The following RAD51D variants were observed in gnomAD, a reference collection of about 807,000 sequenced individuals.
RAD51D encodes DNA repair protein RAD51 homolog 4.
RAD51D carries 38 observed loss-of-function variants against 44.1 expected under a neutral mutation model. The observed-to-expected ratio is 0.86, with a 90% CI of 0.67 to 1.13. The LOEUF is 1.13. Among genes scored for constraint, RAD51D ranks in the 50% most tolerant of loss-of-function variants. RAD51D has a pLI of 0.00. For synonymous variants in RAD51D, 141 were observed against 166.6 expected (o/e 0.85, Z 1.18); for missense variants, 390 against 414.0 (o/e 0.94, Z 0.50).
At chr17:35,107,522 T>C (rs575910811) in intron 3 of RAD51D, 75 bp from the exon 4 acceptor site, 1 of 1,211,880 alleles carries the variant, frequency 8.3e-7, no homozygotes. Context: ...AGAAGAAAAG[T>C]AAGACATTTC....
intron 9 of RAD51D, 59 bp from the exon 10 acceptor site, chr17:35,101,095 G>C (rs2142409949): frequency 6.2e-7 from 1 of 1,605,364 alleles, no homozygotes; most frequent in South Asian, 1.1e-5. Context: ...AGCTTCTTTA[G>C]TTGCAAGGTT....
chr17:35,106,393 GCCAC>G lies in RAD51D; in HGVS notation c.565_568del (p.Val189ProfsTer4), dbSNP rs2091603173. ...GCAGAACAGCAGGCTCACCTGCTGG[GCCAC>G]AGTGCCTCGGAGCTCCTGCAGCACA... On this transcript the variant is annotated frameshift_variant, in exon 6 of 10. Coordinates refer to ENST00000345365, the MANE Select transcript of RAD51D (RefSeq NM_002878.4). LOFTEE classifies it high-confidence loss of function. 5 of 1,612,942 alleles carry G rather than the reference GCCAC, an allele frequency of 3.1e-6. No homozygotes were observed. Among genetic ancestry groups the G allele is most frequent in the Non-Finnish European group, 4.2e-6 (5 of 1,179,434 alleles).
At position 35,095,141 on chromosome 17, in the gene RAD51D, G is replaced by A. The variant is rs1159946486; in HGVS notation, c.*5812C>T. On this transcript the variant is annotated 3_prime_UTR_variant, in exon 10 of 10. Coordinates refer to ENST00000345365, the MANE Select transcript of RAD51D (RefSeq NM_002878.4). Reference sequence around the variant, plus strand: ...GCAATTCTGCACCAATGAGATTTGAGGTGAGTCAGCTTTGGTTGGAAGTTA... The same window carrying A: ...GCAATTCTGCACCAATGAGATTTGAAGTGAGTCAGCTTTGGTTGGAAGTTA... The A allele has an allele frequency of 6.6e-6, 1 of 152,142 alleles. No individual in the cohort carries two copies. Among genetic ancestry groups the A allele is most frequent in the African/African-American group, 2.4e-5 (1 of 41,444 alleles). The allele number at this position is 152,142 out of a possible 1,614,324, so 9.4% of individuals were successfully genotyped here. A position where few individuals can be genotyped will look rare whatever the true frequency, so the allele number is the denominator to read the frequency against.
chr17:35,101,419 T>G, intron 8 of RAD51D, 54 bp from the exon 9 acceptor site: 2 of 1,563,930 alleles, frequency 1.3e-6, no homozygotes, highest in Non-Finnish European at 1.8e-6. Flanking sequence ...GGACATCGAT[T>G]ACTACCGCTT....
At chr17:35,110,249 C>T (rs1348484232) in intron 3 of RAD51D, among the ~76,000 whole-genome samples, 4 of 152,278 alleles carry the variant, frequency 2.6e-5, no homozygotes, top group African/African-American at 9.6e-5. Flanking sequence ...GCTGGGATTA[C>T]AGGTGTGAGC....
intron 3 of RAD51D, chr17:35,117,139 T>C: frequency 7.7e-7 from 1 of 1,303,774 alleles, no homozygotes. Context: ...TCTCTTGTAT[T>C]CACTTGATTT....
At position 35,116,788 on chromosome 17, in the gene RAD51D, C is replaced by G. The variant is rs373694831; in HGVS notation, c.263+1713G>C. Reference sequence around the variant, plus strand: ...TGATCACAGGCGTGAGCCACTGCGCCCGGCCTAGAATGATGATTTAAACAG... The same window carrying G: ...TGATCACAGGCGTGAGCCACTGCGCGCGGCCTAGAATGATGATTTAAACAG... On this transcript the variant is annotated intron_variant, in intron 3 of 9. Transcript: ENST00000345365. 264 of 1,260,790 alleles carry G rather than the reference C, an allele frequency of 2.1e-4. No homozygotes were observed. In the African/African-American group the frequency reaches 3.6e-3, roughly 17 times the overall value. The allele number at this position is 1,260,790 out of a possible 1,614,324, so 78.1% of individuals were successfully genotyped here.
At chr17:35,109,640 T>C (rs1426559340) in intron 3 of RAD51D, among the ~76,000 whole-genome samples, 1 of 152,208 alleles carries the variant, frequency 6.6e-6, no homozygotes, top group Non-Finnish European at 1.5e-5. Flanking sequence ...TGTTTTTAAT[T>C]TGCATTTCCC....
Position 35,103,300 on chromosome 17 carries a change from G to T in RAD51D, c.692C>A (p.Ala231Asp), listed in dbSNP as rs535851875. 6.2e-7 allele frequency: 1 copy of T among 1,611,606 alleles called. No individual in the cohort carries two copies. The highest frequency in any genetic ancestry group is 8.5e-7 in the Non-Finnish European group (1 of 1,179,070). ...REGLALMMQL[A>D]RELKTLARDL... ...CCGGGCCAGGGTCTTCAGCTCTCGG[G>T]CCAGCTGCATCATCAAGGCCAAGCC... The change falls in exon 8 of 10, where the codon GCC becomes GAC. Residue 231 changes from alanine to aspartate, a missense_variant. Transcript: ENST00000345365. The surrounding 1 kb of genome is among the most constrained non-coding windows in gnomAD (Gnocchi z 4.1).
chr17:35,115,896 A>AAAGAAGGAAAGGAAGG lies in RAD51D; in HGVS notation c.263+2604_263+2605insCCTTCCTTTCCTTCTT, dbSNP rs1555569832. 3.5e-5 allele frequency among the ~76,000 whole-genome samples: 3 copies of AAAGAAGGAAAGGAAGG among 84,716 alleles called. No homozygotes were observed. The Admixed American group carries it at 4.9e-4, about 14-fold the overall frequency. The allele number at this position is 84,716 out of a possible 152,430, so 55.6% of individuals were successfully genotyped here. A position where few individuals can be genotyped will look rare whatever the true frequency, so the allele number is the denominator to read the frequency against. On this transcript the variant is annotated intron_variant, in intron 3 of 9. Coordinates refer to ENST00000345365, the MANE Select transcript of RAD51D (RefSeq NM_002878.4). ...AAAAGAAAGAAAGAAGGAAAGAAGG[A>AAAGAAGGAAAGGAAGG]AAGGAAGGAAGGAAGGAAGGAAGGA...
Position 35,119,187 on chromosome 17 carries a change from C to T in RAD51D, c.83-15G>A, listed in dbSNP as rs778766755. The T allele has an allele frequency of 1.2e-6, 2 of 1,610,872 alleles. No individual in the cohort carries two copies. Among genetic ancestry groups the T allele is most frequent in the Non-Finnish European group, 1.7e-6 (2 of 1,177,070 alleles). On this transcript the variant is annotated splice_polypyrimidine_tract_variant and intron_variant, in intron 1 of 9. Coordinates refer to ENST00000345365, the MANE Select transcript of RAD51D (RefSeq NM_002878.4). Reference sequence around the variant, plus strand: ...CAGGTCCACCACTGAAAACAAAACACGTATAGCGGATTGGCAGAGAGGACT... The same window carrying T: ...CAGGTCCACCACTGAAAACAAAACATGTATAGCGGATTGGCAGAGAGGACT...
At chr17:35,105,829 G>A (rs945965163) in intron 6 of RAD51D, among the ~76,000 whole-genome samples, 1 of 151,984 alleles carries the variant, frequency 6.6e-6, no homozygotes, top group Non-Finnish European at 1.5e-5. Context: ...ACGTCTATTA[G>A]TGGGCTCTGG....
In RAD51D at chr17:35,092,761, G is replaced by T. The variant is rs989797980; in HGVS notation, c.*8192C>A. Reference sequence around the variant, plus strand: ...TGAGAGAGGATGTGTAGGTTACTGAGAATGGAACAGTTAGAGATAAACATA... The same window carrying T: ...TGAGAGAGGATGTGTAGGTTACTGATAATGGAACAGTTAGAGATAAACATA... On this transcript the variant is annotated 3_prime_UTR_variant, in exon 10 of 10. Coordinates refer to ENST00000345365, the MANE Select transcript of RAD51D (RefSeq NM_002878.4). 3 of 152,016 alleles carry T rather than the reference G, an allele frequency of 2.0e-5. No individual in the cohort carries two copies. Among genetic ancestry groups the T allele is most frequent in the Admixed American group, 2.0e-4 (3 of 15,240 alleles). The allele number at this position is 152,016 out of a possible 1,614,324, so 9.4% of individuals were successfully genotyped here.
In RAD51D at chr17:35,103,256, C is replaced by T. The variant is rs1597858213; in HGVS notation, c.736G>A (p.Val246Met). ...ATTGGCCAAGCCTGCTTCCTCACCA[C>T]CACTGCCATGCCAAGGTCCCGGGCC... ...TLARDLGMAV[V>M]VTNHITRDRD... The change falls in exon 8 of 10, where the codon GTG becomes ATG. Residue 246 changes from valine to methionine, a missense_variant and splice_region_variant. Val to Met is a conservative substitution (Grantham distance 21). Transcript: ENST00000345365. The surrounding 1 kb of genome is among the most constrained non-coding windows in gnomAD (Gnocchi z 4.1). 1 of 1,608,774 alleles carries T rather than the reference C, an allele frequency of 6.2e-7. No homozygotes were observed.
Position 35,103,280 on chromosome 17 carries a change from C to T in RAD51D, c.712G>A (p.Ala238Thr), listed in dbSNP as rs587782104. The T allele has an allele frequency of 6.2e-7, 1 of 1,611,358 alleles. No homozygotes were observed. The change falls in exon 8 of 10, where the codon GCC becomes ACC. Residue 238 changes from alanine to threonine, a missense_variant. By Grantham distance (58) the Ala-to-Thr change is moderately conservative. Coordinates refer to ENST00000345365, the MANE Select transcript of RAD51D (RefSeq NM_002878.4). This position sits in a 1 kb window ranked among gnomAD's most constrained non-coding sequence, Gnocchi z 4.1. ...MQLARELKTLARDLGMAVVVT... is the reference protein window; with the variant it reads ...MQLARELKTLTRDLGMAVVVT... ...ACCACTGCCATGCCAAGGTCCCGGG[C>T]CAGGGTCTTCAGCTCTCGGGCCAGC... is the stretch of plus-strand genomic sequence containing the variant.
At chr17:35,112,761 T>G (rs572875396) in intron 3 of RAD51D, among the ~76,000 whole-genome samples, 1 of 152,336 alleles carries the variant, frequency 6.6e-6, no homozygotes, top group South Asian at 2.1e-4. Flanking sequence ...TGTGTTGGTC[T>G]TGTATCCTCA....
In RAD51D at chr17:35,100,841, T is replaced by C. The variant is rs189546138; in HGVS notation, c.*112A>G. On this transcript the variant is annotated 3_prime_UTR_variant, in exon 10 of 10. Transcript: ENST00000345365. Reference sequence around the variant, plus strand: ...CCCAAGATGTCTCTTCTGGCCAGCCTGAGAACGTCTGTAGTCACCAGTGCC... The same window carrying C: ...CCCAAGATGTCTCTTCTGGCCAGCCCGAGAACGTCTGTAGTCACCAGTGCC... 3.0e-4 allele frequency: 275 copies of C among 901,752 alleles called. No individual in the cohort carries two copies. The African/African-American group carries it at 3.8e-3, about 12-fold the overall frequency. 55.9% of individuals were successfully genotyped at this position (901,752 alleles called of 1,614,324 possible). A position where few individuals can be genotyped will look rare whatever the true frequency, so the allele number is the denominator to read the frequency against.
intron 3 of RAD51D, among the ~76,000 whole-genome samples, chr17:35,115,644 C>T (rs925902793): frequency 5.3e-5 from 8 of 151,988 alleles, no homozygotes; most frequent in Non-Finnish European, 8.8e-5. Context: ...CCAAGGCGGG[C>T]GGATCACGAG....
At chr17:35,116,970 G>C (rs572710839) in intron 3 of RAD51D, 1 of 1,613,866 alleles carries the variant, frequency 6.2e-7, no homozygotes, top group South Asian at 1.1e-5. Context: ...CCCACTCCAC[G>C]ATCTCCCTGC....
Sources: allele counts gnomAD v4.1 joint callset (sites outside exome capture counted in the v4.1 genomes callset), GRCh38; gene constraint gnomAD v4.1.1; non-coding constraint Gnocchi (gnomAD v3.1); transcripts MANE v1.5; gene names NCBI Gene and HGNC (gene_info 2026-07-23, HGNC 2026-07-21).